Variants in RBFOX1 observed in about 807,000 individuals in gnomAD.
RBFOX1 encodes RNA binding protein fox-1 homolog 1.
A neutral mutation model predicts 57.7 loss-of-function variants in RBFOX1; 8 were observed. That is an observed-to-expected ratio of 0.14 (90% CI 0.08 to 0.25). The LOEUF (loss-of-function observed/expected upper bound fraction) is 0.25, where lower values mean the gene tolerates loss of function less well. Ranked by LOEUF, RBFOX1 falls within the 10% of genes least tolerant of loss-of-function variation. The pLI, the probability that RBFOX1 is intolerant of heterozygous loss-of-function variation, is 1.00. For synonymous variants in RBFOX1, 326 were observed against 222.4 expected, an observed-to-expected ratio of 1.47 and a Z score of -4.15; for missense variants, 611 against 548.5, an observed-to-expected ratio of 1.11 and a Z score of -1.14.
At chr16:7,188,408 A>G (rs935987193) in intron 4 of RBFOX1, among the ~76,000 whole-genome samples, 1 of 152,210 alleles carries the variant, frequency 6.6e-6, no homozygotes, top group East Asian at 1.9e-4. Flanking sequence ...TAAAATTTGC[A>G]TTGCAGTTAG....
rs376848132 is a variant in RBFOX1 at position 7,595,758 on chromosome 16, T to TTA, written c.561+133_561+134dup. On this transcript the variant is annotated intron_variant, in intron 8 of 15. Transcript: ENST00000550418. ...ATGTGACCCTATTCCCCCTCATTGT[T>TTA]TATATATATATATATATTTTTATAT... The TTA allele has an allele frequency of 8.5e-3, 3,323 of 389,316 alleles. 12 individuals are homozygous for TTA. Among genetic ancestry groups the TTA allele is most frequent in the African/African-American group, 0.015 (671 of 45,926 alleles). The allele number at this position is 389,316 out of a possible 1,614,324, so 24.1% of individuals were successfully genotyped here.
At chr16:7,318,522 A>T (rs753566239) in intron 4 of RBFOX1, among the ~76,000 whole-genome samples, 5 of 152,212 alleles carry the variant, frequency 3.3e-5, no homozygotes, top group Admixed American at 6.5e-5. Context: ...CTTTGTTTTA[A>T]TTGTCTCATC....
chr16:5,631,971 C>A (rs2048524100), intron 3 of RBFOX1, among the ~76,000 whole-genome samples: 1 of 152,152 alleles, frequency 6.6e-6, no homozygotes. Flanking sequence ...GTTAAGCCTC[C>A]ACCTGTTTGC....
chr16:7,544,176 T>G (rs4787044), intron 5 of RBFOX1, among the ~76,000 whole-genome samples: 126,944 of 152,234 alleles, frequency 0.83, 53,180 homozygotes, highest in Non-Finnish European at 0.88. Flanking sequence ...AGTTGCTACA[T>G]TATATTTCAC....
rs180788890 is a variant in RBFOX1, at chr16:5,662,396, A to G, written c.318+63435A>G. The stretch of plus-strand genomic sequence containing the variant: ...GCAGGGTTACCTGACCACATAATCT[A>G]TTATGTGTGAAAGTGCCAATATCAT... On this transcript the variant is annotated intron_variant, in intron 3 of 19. Coordinates refer to the RBFOX1 transcript ENST00000641259. Among the ~76,000 whole-genome samples the G allele has an allele frequency of 3.9e-5, 6 of 152,268 alleles. No homozygotes were observed. In the East Asian group the frequency reaches 7.7e-4, roughly 20 times the overall value.
At chr16:7,493,642 A>G (rs972652680) in intron 4 of RBFOX1, among the ~76,000 whole-genome samples, 3 of 152,208 alleles carry the variant, frequency 2.0e-5, no homozygotes, top group African/African-American at 7.2e-5. Flanking sequence ...TGCATTTTGA[A>G]GTTGGAGAAA....
chr16:6,965,901 C>T (rs767627283), intron 3 of RBFOX1, among the ~76,000 whole-genome samples: 14 of 151,984 alleles, frequency 9.2e-5, no homozygotes, highest in Non-Finnish European at 1.2e-4. Flanking sequence ...AAGGAAATGC[C>T]GGGAAATAGT....
intron 2 of RBFOX1, among the ~76,000 whole-genome samples, chr16:6,420,926 C>A (rs961165422): frequency 1.3e-5 from 2 of 152,210 alleles, no homozygotes; most frequent in Non-Finnish European, 2.9e-5. Flanking sequence ...AGGGCACTTA[C>A]TGTAAGCCTG....
intron 1 of RBFOX1, among the ~76,000 whole-genome samples, chr16:6,269,237 A>T (rs1048264415): frequency 6.6e-6 from 1 of 152,126 alleles, no homozygotes; most frequent in African/African-American, 2.4e-5. Flanking sequence ...AGTAGTAAAT[A>T]GTTGTTATAC....
chr16:6,046,958 T>A (rs2152427299), intron 1 of RBFOX1, among the ~76,000 whole-genome samples: 1 of 152,250 alleles, frequency 6.6e-6, no homozygotes, highest in East Asian at 1.9e-4. Flanking sequence ...TTAATGGATG[T>A]TGGGGAAGAA....
intron 1 of RBFOX1, among the ~76,000 whole-genome samples, chr16:6,193,400 A>ATATAC (rs1567651293): frequency 0.021 from 1,776 of 85,008 alleles, 27 homozygotes; most frequent in African/African-American, 0.034. Context: ...TACTATATAT[A>ATATAC]TATATATATA....
chr16:5,599,615 A>C, exon 3 of RBFOX1: 1 of 206,678 alleles, frequency 4.8e-6, no homozygotes, highest in Non-Finnish European at 9.7e-6. Flanking sequence ...GGCACCTTCA[A>C]GTGGCACACA....
intron 2 of RBFOX1, among the ~76,000 whole-genome samples, chr16:6,563,246 C>T (rs879933744): frequency 5.3e-5 from 8 of 152,264 alleles, no homozygotes; most frequent in Non-Finnish European, 7.3e-5. Context: ...TCCTGTGCAA[C>T]ACGCATGAGA....
rs566333349 is a variant in RBFOX1 at position 7,538,485 on chromosome 16, C to T, written c.270+20096C>T. 8.5e-5 allele frequency among the ~76,000 whole-genome samples: 13 copies of T among 152,074 alleles called. No individual in the cohort carries two copies. The South Asian group carries it at 1.2e-3, about 15-fold the overall frequency. The stretch of plus-strand genomic sequence containing the variant: ...TTTATTTAATGATAGATCATACATT[C>T]GAAATTATTTGTTGAGTGCTTACTG... On this transcript the variant is annotated intron_variant, in intron 5 of 15. Coordinates refer to ENST00000550418, the MANE Select transcript of RBFOX1 (RefSeq NM_018723.4).
chr16:6,610,597 T>C (rs2098031995), intron 2 of RBFOX1, among the ~76,000 whole-genome samples: 1 of 152,176 alleles, frequency 6.6e-6, no homozygotes, highest in South Asian at 2.1e-4. Flanking sequence ...CCCGAAATGC[T>C]GGGATTACCG....
At chr16:5,831,974 A>C (rs2056290390) in intron 3 of RBFOX1, among the ~76,000 whole-genome samples, 1 of 152,212 alleles carries the variant, frequency 6.6e-6, no homozygotes, top group Non-Finnish European at 1.5e-5. Context: ...GAGGTTGAAA[A>C]ATGGGGCAGA....
rs188483537 is a variant in RBFOX1, at chr16:7,449,910, C to G, written c.28-68237C>G. ...ACATTTGTGAAGGGACACTATGAAA[C>G]ATATGAGAGCAGTGAGAAGTGGAGA... On this transcript the variant is annotated intron_variant, in intron 4 of 15. Coordinates refer to ENST00000550418, the MANE Select transcript of RBFOX1 (RefSeq NM_018723.4). Among the ~76,000 whole-genome samples, 10 of 152,088 alleles carry G rather than the reference C, an allele frequency of 6.6e-5. No individual in the cohort carries two copies. In the South Asian group the frequency reaches 2.1e-3, roughly 32 times the overall value.
At chr16:7,329,541 G>C (rs1386319538) in intron 4 of RBFOX1, among the ~76,000 whole-genome samples, 1 of 152,168 alleles carries the variant, frequency 6.6e-6, no homozygotes, top group African/African-American at 2.4e-5. Context: ...AAGAAAAAGA[G>C]GTTTTGTTTA....
At chr16:6,726,496 C>T (rs771005678) in intron 3 of RBFOX1, among the ~76,000 whole-genome samples, 3 of 151,404 alleles carry the variant, frequency 2.0e-5, no homozygotes, top group Non-Finnish European at 4.4e-5. Context: ...GTGGAACTAT[C>T]ACTAGATAAA....
Sources: gnomAD v4.1 joint callset for allele counts (sites outside exome capture counted in the v4.1 genomes callset) on GRCh38, gnomAD v4.1.1 for gene constraint, MANE v1.5 for transcripts, NCBI Gene and HGNC (gene_info 2026-07-23, HGNC 2026-07-21) for gene names.